The following GNB1L variants were observed in gnomAD, a reference collection of about 807,000 sequenced individuals.
GNB1L encodes G protein subunit beta 1 like, also known as guanine nucleotide-binding protein subunit beta-like protein 1.
A neutral mutation model predicts 29.1 loss-of-function variants in GNB1L; 20 were observed. That is an observed-to-expected ratio of 0.69 (90% CI 0.48 to 1.00). The LOEUF (loss-of-function observed/expected upper bound fraction) is 1.00. Ranked by LOEUF, GNB1L falls within the 50% of genes least tolerant of loss-of-function variation. The pLI is 0.00. For synonymous variants in GNB1L, 193 were observed against 206.5 expected (o/e 0.93, Z 0.56); for missense variants, 421 against 464.9 (o/e 0.91, Z 0.87).
At chr22:19,847,804 C>CAAAAAAAAGAAAAAAAAAAA (rs1937997597) in intron 2 of GNB1L, 1 of 533,108 alleles carries the variant, frequency 1.9e-6, no homozygotes, top group Non-Finnish European at 2.2e-6. Context: ...GAATCATAGG[C>CAAAAAAAAGAAAAAAAAAAA]AAAAAAAAAA....
chr22:19,837,114 C>T (rs1937778482), intron 2 of GNB1L, among the ~76,000 whole-genome samples: 1 of 152,034 alleles, frequency 6.6e-6, no homozygotes, highest in African/African-American at 2.4e-5. Context: ...CTACAGGCGC[C>T]CACCACCACA....
chr22:19,796,307 G>A (rs935453894), intron 7 of GNB1L, among the ~76,000 whole-genome samples: 9 of 152,318 alleles, frequency 5.9e-5, no homozygotes, highest in South Asian at 2.1e-4. Flanking sequence ...GCCTCTCTGC[G>A]CCTGCTGGGG....
chr22:19,838,784 A>G (rs1177738127), intron 2 of GNB1L, among the ~76,000 whole-genome samples: 1 of 152,228 alleles, frequency 6.6e-6, no homozygotes, highest in Non-Finnish European at 1.5e-5. Flanking sequence ...TTAAATATGC[A>G]TTAACATGTT....
intron 7 of GNB1L, among the ~76,000 whole-genome samples, chr22:19,801,415 G>GT (rs1569040324): frequency 6.6e-6 from 1 of 150,506 alleles, no homozygotes; most frequent in African/African-American, 2.4e-5. Context: ...ACAGGGCCAC[G>GT]TGTAGGCCAG....
chr22:19,811,350 G>A (rs1937498167), intron 5 of GNB1L, among the ~76,000 whole-genome samples: 1 of 152,142 alleles, frequency 6.6e-6, no homozygotes, highest in Non-Finnish European at 1.5e-5. Flanking sequence ...CAGTGGGCAT[G>A]GACAGTAGCC....
chr22:19,813,311 G>A (rs1937513629), intron 4 of GNB1L, among the ~76,000 whole-genome samples: 1 of 152,160 alleles, frequency 6.6e-6, no homozygotes, highest in Non-Finnish European at 1.5e-5. Flanking sequence ...CTGGAGAAAT[G>A]GCTGAGTCTA....
rs3214094 is a variant in GNB1L, at chr22:19,788,636, T to TG, written c.*72_*73insC. The stretch of plus-strand genomic sequence containing the variant: ...CTGGTCCTCAGAGGCCCTTGAGGTT[T>TG]CAGGCCAAGGCTGGGGCCTGATGCC... On this transcript the variant is annotated 3_prime_UTR_variant, in exon 8 of 8. Coordinates refer to ENST00000329517, the MANE Select transcript of GNB1L (RefSeq NM_053004.3). The TG allele has an allele frequency of 0.13, 200,428 of 1,591,982 alleles. 16,823 individuals carry two copies. The highest frequency in any genetic ancestry group is 0.46 in the East Asian group (20,537 of 44,718).
intron 7 of GNB1L, among the ~76,000 whole-genome samples, chr22:19,791,445 G>C (rs753172765): frequency 1.3e-5 from 2 of 152,206 alleles, no homozygotes; most frequent in Non-Finnish European, 2.9e-5. Context: ...GATGAGGTGG[G>C]CCTCCCAAAT....
intron 5 of GNB1L, among the ~76,000 whole-genome samples, chr22:19,807,918 G>A (rs773547298): frequency 4.6e-5 from 7 of 152,206 alleles, no homozygotes; most frequent in Non-Finnish European, 7.4e-5. Flanking sequence ...GGTCACCTCC[G>A]GGCAGGGCAG....
At chr22:19,795,112 G>A (rs1937291920) in intron 7 of GNB1L, among the ~76,000 whole-genome samples, 1 of 152,170 alleles carries the variant, frequency 6.6e-6, no homozygotes, top group African/African-American at 2.4e-5. Context: ...CGATGCTACT[G>A]TTTAGTATCA....
chr22:19,797,143 A>G (rs1317500894), intron 7 of GNB1L, among the ~76,000 whole-genome samples: 3 of 152,174 alleles, frequency 2.0e-5, no homozygotes, highest in Non-Finnish European at 4.4e-5. Flanking sequence ...AGACCAACCT[A>G]CAGTCACTCA....
intron 2 of GNB1L, among the ~76,000 whole-genome samples, chr22:19,827,188 AT>A (rs1422776338): frequency 3.9e-5 from 6 of 152,182 alleles, no homozygotes; most frequent in Admixed American, 2.0e-4. Context: ...GAATGTCTTT[AT>A]TCCTACGAGA....
chr22:19,841,162 A>G (rs1474690086), intron 2 of GNB1L, among the ~76,000 whole-genome samples: 2 of 152,234 alleles, frequency 1.3e-5, no homozygotes, highest in Non-Finnish European at 2.9e-5. Flanking sequence ...ATCCTAGTCC[A>G]TTAGTCATGC....
intron 2 of GNB1L, among the ~76,000 whole-genome samples, chr22:19,842,205 G>C (rs189309811): frequency 6.6e-6 from 1 of 152,314 alleles, no homozygotes; most frequent in Admixed American, 6.5e-5. Flanking sequence ...CTCAGCCAGC[G>C]ACCCTGATCT....
chr22:19,811,407 G>A (rs767686565), intron 5 of GNB1L, among the ~76,000 whole-genome samples: 2 of 151,920 alleles, frequency 1.3e-5, no homozygotes, highest in Non-Finnish European at 2.9e-5. Flanking sequence ...CCCATGCCCC[G>A]CCCTCGGGCC....
Position 19,788,256 on chromosome 22 carries a change from C to A in GNB1L, c.*453G>T, listed in dbSNP as rs1386535080. On this transcript the variant is annotated 3_prime_UTR_variant, in exon 8 of 8. Coordinates refer to ENST00000329517, the MANE Select transcript of GNB1L (RefSeq NM_053004.3). The stretch of plus-strand genomic sequence containing the variant: ...CGCAGCTATGGTTGGGGCCTATCAT[C>A]TCCTGAGGCCTGGCCCAGGAAACCC... The A allele has an allele frequency of 9.6e-6, 4 of 417,794 alleles. No homozygotes were observed. The highest frequency in any genetic ancestry group is 1.7e-5 in the Non-Finnish European group (4 of 232,190). 25.9% of individuals were successfully genotyped at this position (417,794 alleles called of 1,614,324 possible).
intron 2 of GNB1L, chr22:19,850,896 G>C: frequency 5.1e-6 from 7 of 1,363,008 alleles, no homozygotes; most frequent in South Asian, 2.1e-5. Context: ...CGTGGGAGCA[G>C]GCCTGGGTGA....
At chr22:19,828,978 C>T (rs1367694423) in intron 2 of GNB1L, among the ~76,000 whole-genome samples, 1 of 152,108 alleles carries the variant, frequency 6.6e-6, no homozygotes, top group African/African-American at 2.4e-5. Flanking sequence ...ACTACAGGCA[C>T]ACGCCACAGT....
intron 2 of GNB1L, chr22:19,848,086 C>A (rs1343743551): frequency 2.0e-6 from 2 of 985,202 alleles, no homozygotes; most frequent in African/African-American, 3.5e-5. Flanking sequence ...ACTATTGTGG[C>A]TTTATAAAAT....
Sources: gnomAD v4.1 joint callset for allele counts (sites outside exome capture counted in the v4.1 genomes callset) on GRCh38, gnomAD v4.1.1 for gene constraint, MANE v1.5 for transcripts, NCBI Gene and HGNC (gene_info 2026-07-23, HGNC 2026-07-21) for gene names.